Variants in ZC2HC1A observed in about 807,000 individuals in gnomAD.
ZC2HC1A encodes zinc finger C2HC-type containing 1A.
ZC2HC1A carries 28 observed loss-of-function variants against 40.7 expected under a neutral mutation model. The observed-to-expected ratio is 0.69, with a 90% CI of 0.51 to 0.94. The LOEUF (loss-of-function observed/expected upper bound fraction) is 0.94, where lower values mean the gene tolerates loss of function less well. ZC2HC1A is among the 40% of genes least tolerant of loss of function. The probability of loss-of-function intolerance (pLI) is 0.00; values close to 1 mark genes in which losing one functional copy is unlikely to be tolerated. For synonymous variants in ZC2HC1A, 129 were observed against 129.2 expected, an observed-to-expected ratio of 1.00 and a Z score of 0.01; for missense variants, 389 against 386.3, an observed-to-expected ratio of 1.01 and a Z score of -0.06.
Position 78,666,179 on chromosome 8 carries a change from G to C in ZC2HC1A, c.16+15G>C, listed in dbSNP as rs758510925. ...GGGACTGGAAGGTGAGGCGATGAAG[G>C]GATGAGGGCAGGACGGCTAGAGCGG... is the stretch of plus-strand genomic sequence containing the variant. On this transcript the variant is annotated intron_variant, in intron 1 of 8. Transcript: ENST00000263849. The C allele has an allele frequency of 6.4e-7, 1 of 1,574,058 alleles. No homozygotes were observed. The highest frequency in any genetic ancestry group is 1.9e-5 in the Admixed American group (1 of 53,262).
chr8:78,716,068 G>A (rs1212420721), intron 8 of ZC2HC1A, among the ~76,000 whole-genome samples: 3 of 149,748 alleles, frequency 2.0e-5, no homozygotes, highest in Admixed American at 6.7e-5. Flanking sequence ...CTGTTATAGT[G>A]TATAGTTCAT....
At chr8:78,707,986 CA>C (rs1313935409) in intron 7 of ZC2HC1A, among the ~76,000 whole-genome samples, 1 of 151,698 alleles carries the variant, frequency 6.6e-6, no homozygotes, top group African/African-American at 2.4e-5. Context: ...CCTAGGCTAA[CA>C]AAAAATTTTT....
At chr8:78,695,178 A>T (rs997167170) in intron 5 of ZC2HC1A, among the ~76,000 whole-genome samples, 1 of 152,302 alleles carries the variant, frequency 6.6e-6, no homozygotes. Context: ...AGTAATGGGA[A>T]ATATTATAGG....
rs1024246511 is a variant in ZC2HC1A at position 78,717,572 on chromosome 8, A to G, written c.*79A>G. The G allele has an allele frequency of 2.8e-6, 4 of 1,434,588 alleles. No homozygotes were observed. Among genetic ancestry groups the G allele is most frequent in the Non-Finnish European group, 3.7e-6 (4 of 1,072,382 alleles). 88.9% of individuals were successfully genotyped at this position (1,434,588 alleles called of 1,614,324 possible). A position where few individuals can be genotyped will look rare whatever the true frequency, so the allele number is the denominator to read the frequency against. ...CTTGGACAGCTAGAGCACATCCTCTAGTTAGTTTGTGCTAAAAATACTCGA... is the reference window on the plus strand; with the variant it reads ...CTTGGACAGCTAGAGCACATCCTCTGGTTAGTTTGTGCTAAAAATACTCGA... On this transcript the variant is annotated 3_prime_UTR_variant, in exon 9 of 9. Transcript: ENST00000263849.
chr8:78,715,256 G>C lies in ZC2HC1A; in HGVS notation c.740G>C (p.Ser247Thr). The C allele has an allele frequency of 6.2e-7, 1 of 1,613,796 alleles. No homozygotes were observed. Among genetic ancestry groups the C allele is most frequent in the South Asian group, 1.1e-5 (1 of 91,052 alleles). The change falls in exon 8 of 9, where the codon AGT (serine) becomes ACT (threonine). Residue 247 changes from serine (S) to threonine (T), a missense_variant. Transcript: ENST00000263849. ...AAACCCCGAAATTCCACACCACCTA[G>C]TTTGGCAAGAAATCCTGCCCCAGGT... Reference protein sequence around the residue: ...NVKPRNSTPPSLARNPAPGVL... With the variant: ...NVKPRNSTPPTLARNPAPGVL...
chr8:78,687,581 C>T (rs1427210194), intron 4 of ZC2HC1A, among the ~76,000 whole-genome samples: 20 of 133,440 alleles, frequency 1.5e-4, no homozygotes, highest in South Asian at 6.8e-4. Flanking sequence ...TATATATTTA[C>T]GTAATAAATT....
At chr8:78,714,329 A>G (rs1485022577) in intron 7 of ZC2HC1A, among the ~76,000 whole-genome samples, 1 of 152,162 alleles carries the variant, frequency 6.6e-6, no homozygotes, top group Non-Finnish European at 1.5e-5. Flanking sequence ...TATGGGCAAA[A>G]TAATTAGAAT....
chr8:78,687,448 CTATATATACATAATTATATA>C (rs1409366510), intron 4 of ZC2HC1A, among the ~76,000 whole-genome samples: 1 of 143,814 alleles, frequency 7.0e-6, no homozygotes, highest in East Asian at 2.0e-4. Context: ...AAGCCATAGA[CTATATATACATAATTATATA>C]TATATTTATA....
At chr8:78,710,130 A>G (rs1197045409) in intron 7 of ZC2HC1A, among the ~76,000 whole-genome samples, 3 of 152,204 alleles carry the variant, frequency 2.0e-5, no homozygotes, top group African/African-American at 7.2e-5. Context: ...AAGGCCTGTG[A>G]AAGTATTATA....
chr8:78,671,911 T>C (rs1405493478), intron 1 of ZC2HC1A, among the ~76,000 whole-genome samples: 2 of 152,194 alleles, frequency 1.3e-5, no homozygotes, highest in African/African-American at 4.8e-5. Flanking sequence ...CTTGCTAATG[T>C]AGTCTTAAGG....
At chr8:78,699,717 G>GTA (rs1377046727) in intron 7 of ZC2HC1A, among the ~76,000 whole-genome samples, 1 of 152,138 alleles carries the variant, frequency 6.6e-6, no homozygotes, top group Non-Finnish European at 1.5e-5. Context: ...AGAACATGCA[G>GTA]TATTTGGTTT....
At chr8:78,711,368 A>G (rs543689246) in intron 7 of ZC2HC1A, among the ~76,000 whole-genome samples, 21 of 152,132 alleles carry the variant, frequency 1.4e-4, no homozygotes, top group East Asian at 1.9e-4. Context: ...ATTTTGGTCA[A>G]AATGTGTGTG....
intron 1 of ZC2HC1A, among the ~76,000 whole-genome samples, chr8:78,674,421 C>A (rs1357958427): frequency 2.6e-5 from 4 of 152,150 alleles, no homozygotes; most frequent in Admixed American, 1.3e-4. Flanking sequence ...TGTGATGTTA[C>A]TGAGACCATC....
At chr8:78,699,425 G>T (rs1189765353) in intron 7 of ZC2HC1A, among the ~76,000 whole-genome samples, 1 of 151,966 alleles carries the variant, frequency 6.6e-6, no homozygotes, top group East Asian at 1.9e-4. Flanking sequence ...ACATATACTG[G>T]TTCAGTTGAT....
intron 5 of ZC2HC1A, among the ~76,000 whole-genome samples, chr8:78,691,267 A>C (rs1810202944): frequency 7.1e-6 from 1 of 141,480 alleles, no homozygotes; most frequent in Non-Finnish European, 1.5e-5. Context: ...GCCAGCTTTT[A>C]ATTCAAAATT....
intron 1 of ZC2HC1A, among the ~76,000 whole-genome samples, chr8:78,672,013 C>G (rs975740683): frequency 1.3e-5 from 2 of 151,992 alleles, no homozygotes; most frequent in Admixed American, 1.3e-4. Context: ...AAATCTAAAC[C>G]TTAGAGAGCT....
intron 1 of ZC2HC1A, 121 bp downstream of exon 1, chr8:78,666,285 G>C (rs1563615990): frequency 6.7e-7 from 1 of 1,487,468 alleles, no homozygotes; most frequent in Non-Finnish European, 9.1e-7. Flanking sequence ...GCCGCGTCCC[G>C]CCGCGCCTCC....
intron 7 of ZC2HC1A, 89 bp downstream of exon 7, chr8:78,698,602 T>C: frequency 1.0e-6 from 1 of 980,414 alleles, no homozygotes; most frequent in East Asian, 2.9e-5. Context: ...TTTTCATTCA[T>C]CTTCATTTCC....
rs1280656554 is a variant in ZC2HC1A at position 78,717,490 on chromosome 8, A to G, written c.975A>G (p.Leu325=). The change falls in exon 9 of 9, where the codon CTA becomes CTG. Residue 325 remains leucine (L), a synonymous_variant. Transcript: ENST00000263849. ...CCECGIRRMI[L] is the part of the protein sequence containing the mutation. ...AATGTGGCATTCGAAGAATGATTCT[A>G]TGAATAGAATCTCAAAAAAAAAAAA... The G allele has an allele frequency of 4.6e-6, 7 of 1,522,660 alleles. No individual in the cohort carries two copies. The highest frequency in any genetic ancestry group is 6.1e-6 in the Non-Finnish European group (7 of 1,141,968). The allele number at this position is 1,522,660 out of a possible 1,614,324, so 94.3% of individuals were successfully genotyped here.
Sources: gnomAD v4.1 joint callset for allele counts (sites outside exome capture counted in the v4.1 genomes callset) on GRCh38, gnomAD v4.1.1 for gene constraint, MANE v1.5 for transcripts, NCBI Gene and HGNC (gene_info 2026-07-23, HGNC 2026-07-21) for gene names.